MGAT5: variants seen among roughly 807,000 people sequenced by gnomAD.
MGAT5 encodes alpha-1,6-mannosylglycoprotein 6-beta-N-acetylglucosaminyltransferase, also known as alpha-1,6-mannosylglycoprotein 6-beta-N-acetylglucosaminyltransferase A.
MGAT5 carries 30 observed loss-of-function variants against 94.3 expected under a neutral mutation model. The observed-to-expected ratio is 0.32, with a 90% CI of 0.24 to 0.43. The LOEUF (loss-of-function observed/expected upper bound fraction) is 0.43. Among genes scored for constraint, MGAT5 ranks in the 20% least tolerant of loss-of-function variants. The pLI is 1.00. For missense variants in MGAT5, 691 were observed against 905.5 expected (o/e 0.76, Z 3.04); for synonymous variants, 310 against 322.9 (o/e 0.96, Z 0.43).
Position 134,195,579 on chromosome 2 carries a change from G to A in MGAT5, c.-142-58683G>A, listed in dbSNP as rs114016134. On this transcript the variant is annotated intron_variant, in intron 1 of 16. Coordinates refer to the MGAT5 transcript ENST00000409645. ...GCAGGTGGTTTCATAATTTATGTAC[G>A]TAGGTTTCCGTTTGCTTCACTAGGC... 9.6e-3 allele frequency among the ~76,000 whole-genome samples: 1,460 copies of A among 152,230 alleles called. 23 individuals carry two copies. Among genetic ancestry groups the A allele is most frequent in the Middle Eastern group, 0.041 (12 of 294 alleles).
chr2:134,237,123 A>ATATG (rs1553499216), intron 1 of MGAT5, among the ~76,000 whole-genome samples: 1 of 140,626 alleles, frequency 7.1e-6, no homozygotes, highest in African/African-American at 2.6e-5. Flanking sequence ...GAAGGAGTAT[A>ATATG]TGTGTGTGTG....
chr2:134,282,908 C>A (rs1684784272), intron 2 of MGAT5, among the ~76,000 whole-genome samples: 1 of 151,658 alleles, frequency 6.6e-6, no homozygotes, highest in South Asian at 2.1e-4. Flanking sequence ...CAGCCCAGGG[C>A]ACATTCTTCC....
At chr2:134,216,015 C>T (rs1032862479) in intron 1 of MGAT5, among the ~76,000 whole-genome samples, 12 of 152,086 alleles carry the variant, frequency 7.9e-5, no homozygotes, top group Non-Finnish European at 1.5e-4. Context: ...TGTCTTTAGA[C>T]GGTGACCTTA....
chr2:134,275,521 G>T (rs531713066), intron 2 of MGAT5, among the ~76,000 whole-genome samples: 1 of 151,552 alleles, frequency 6.6e-6, no homozygotes, highest in East Asian at 1.9e-4. Flanking sequence ...GCCCCCAGGG[G>T]ACACATGTCA....
chr2:134,347,312 T>C lies in MGAT5; in HGVS notation c.1112+2248T>C, dbSNP rs551672283. Among the ~76,000 whole-genome samples, 4 of 152,316 alleles carry C rather than the reference T, an allele frequency of 2.6e-5. No individual in the cohort carries two copies. The East Asian group carries it at 7.7e-4, about 29-fold the overall frequency. ...AAAAGGATGTCGAATTATAAATTTC[T>C]GAGAGACATCCGATCATTCCATTCC... On this transcript the variant is annotated intron_variant, in intron 8 of 15. Coordinates refer to ENST00000281923, the MANE Select transcript of MGAT5 (RefSeq NM_002410.5).
At chr2:134,304,861 C>T (rs896216469) in intron 2 of MGAT5, among the ~76,000 whole-genome samples, 6 of 152,202 alleles carry the variant, frequency 3.9e-5, no homozygotes, top group African/African-American at 1.4e-4. Flanking sequence ...TAGGCATGCA[C>T]TACTGCACCT....
At chr2:134,164,411 C>T (rs1404538183) in intron 1 of MGAT5, among the ~76,000 whole-genome samples, 3 of 152,154 alleles carry the variant, frequency 2.0e-5, no homozygotes, top group South Asian at 2.1e-4. Context: ...TTGGGGACCT[C>T]ATCTTGCCAA....
rs187990637 is a variant in MGAT5, at chr2:134,264,371, C to T, written c.242-6015C>T. On this transcript the variant is annotated intron_variant, in intron 1 of 15. Coordinates refer to ENST00000281923, the MANE Select transcript of MGAT5 (RefSeq NM_002410.5). ...GTATACTTTTCGTTTTTTATCCATCCACTTAACAAATATTTATTGAACTCC... is the reference window on the plus strand; with the variant it reads ...GTATACTTTTCGTTTTTTATCCATCTACTTAACAAATATTTATTGAACTCC... Among the ~76,000 whole-genome samples the T allele has an allele frequency of 2.6e-3, 395 of 152,230 alleles. 3 individuals are homozygous for T. The highest frequency in any genetic ancestry group is 4.4e-3 in the Non-Finnish European group (300 of 68,014).
chr2:134,407,419 T>C (rs1683405800), intron 11 of MGAT5, among the ~76,000 whole-genome samples: 1 of 152,182 alleles, frequency 6.6e-6, no homozygotes, highest in Non-Finnish European at 1.5e-5. Context: ...TACACATGTA[T>C]ATAGACTGAA....
At position 134,345,077 on chromosome 2, in the gene MGAT5, T is replaced by C. The variant is rs546807203; in HGVS notation, c.1112+13T>C. 4.4e-6 allele frequency: 7 copies of C among 1,608,012 alleles called. No individual in the cohort carries two copies. Among genetic ancestry groups the C allele is most frequent in the South Asian group, 3.3e-5 (3 of 90,332 alleles). On this transcript the variant is annotated intron_variant, in intron 8 of 15. Coordinates refer to ENST00000281923, the MANE Select transcript of MGAT5 (RefSeq NM_002410.5). ...GGGTTCATTACCAGTAAGTGCTACA[T>C]GGTGTTCTGACTTAAGGTTTTTTTT...
chr2:134,123,071 C>A (rs1685691066), intron 1 of MGAT5, among the ~76,000 whole-genome samples: 1 of 152,198 alleles, frequency 6.6e-6, no homozygotes, highest in Non-Finnish European at 1.5e-5. Flanking sequence ...TTGGTAGAAT[C>A]TGGAAGCTGG....
intron 1 of MGAT5, among the ~76,000 whole-genome samples, chr2:134,174,173 A>G (rs1688351721): frequency 6.6e-6 from 1 of 152,254 alleles, no homozygotes; most frequent in Non-Finnish European, 1.5e-5. Context: ...TCACATGGCC[A>G]GTGGATCTTG....
In MGAT5 at chr2:134,264,822, G is replaced by T. The variant is rs143066255; in HGVS notation, c.242-5564G>T. Reference sequence around the variant, plus strand: ...TTTCTCCAGAGCAGCAAGTGAAGCTGCTCTGTGGCTCTGTTGTTCATGCTC... The same window carrying T: ...TTTCTCCAGAGCAGCAAGTGAAGCTTCTCTGTGGCTCTGTTGTTCATGCTC... On this transcript the variant is annotated intron_variant, in intron 1 of 15. Coordinates refer to ENST00000281923, the MANE Select transcript of MGAT5 (RefSeq NM_002410.5). Among the ~76,000 whole-genome samples, 437 of 152,298 alleles carry T rather than the reference G, an allele frequency of 2.9e-3. 3 individuals are homozygous for T. Among genetic ancestry groups the T allele is most frequent in the African/African-American group, 9.6e-3 (397 of 41,566 alleles).
chr2:134,452,997 G>A lies in MGAT5; in HGVS notation c.*4150G>A, dbSNP rs1686183066. 6.6e-6 allele frequency: 1 copy of A among 152,210 alleles called. No homozygotes were observed. The highest frequency in any genetic ancestry group is 1.5e-5 in the Non-Finnish European group (1 of 68,046). 9.4% of individuals were successfully genotyped at this position (152,210 alleles called of 1,614,324 possible). ...CCAAATTAGCTGTAGAGTCTTGAAT[G>A]CAGAAAAAAATTACCCTAGCTTTCT... On this transcript the variant is annotated 3_prime_UTR_variant, in exon 16 of 16. Transcript: ENST00000281923.
intron 4 of MGAT5, among the ~76,000 whole-genome samples, chr2:134,324,941 A>G (rs913423506): frequency 2.0e-5 from 3 of 151,738 alleles, no homozygotes; most frequent in South Asian, 2.1e-4. Context: ...CTTTATTGGT[A>G]TCTTTTTCAT....
chr2:134,410,747 A>G (rs1176666398), intron 11 of MGAT5, among the ~76,000 whole-genome samples: 1 of 152,154 alleles, frequency 6.6e-6, no homozygotes, highest in Non-Finnish European at 1.5e-5. Flanking sequence ...ATTTCCTCCA[A>G]AGCTGTTCTT....
chr2:134,384,801 A>T (rs1177081825), intron 10 of MGAT5, among the ~76,000 whole-genome samples: 1 of 152,262 alleles, frequency 6.6e-6, no homozygotes, highest in Non-Finnish European at 1.5e-5. Context: ...AAAAATAACA[A>T]TCCAAATAAA....
intron 10 of MGAT5, 143 bp from the exon 11 acceptor site, chr2:134,402,845 A>T: frequency 1.4e-6 from 1 of 711,448 alleles, no homozygotes; most frequent in Non-Finnish European, 2.1e-6. Flanking sequence ...AAATTTTAGC[A>T]GTTTGATTGC....
chr2:134,337,335 CG>C (rs1277682563), intron 5 of MGAT5, among the ~76,000 whole-genome samples: 1 of 152,194 alleles, frequency 6.6e-6, no homozygotes, highest in South Asian at 2.1e-4. Context: ...ACTAGCTGAG[CG>C]TGGTGGCGAG....
Sources: allele counts gnomAD v4.1 joint callset (sites outside exome capture counted in the v4.1 genomes callset), GRCh38; gene constraint gnomAD v4.1.1; transcripts MANE v1.5; gene names NCBI Gene and HGNC (gene_info 2026-07-23, HGNC 2026-07-21).